The following TENT5C variants were observed in gnomAD, a reference collection of about 807,000 sequenced individuals.
TENT5C encodes the protein terminal nucleotidyltransferase 5C.
Under a neutral mutation model 22.2 loss-of-function variants are expected in TENT5C, and 5 were observed. That is an observed-to-expected ratio of 0.22 (90% CI 0.12 to 0.47). The LOEUF is 0.47. TENT5C is among the 20% of genes least tolerant of loss of function. TENT5C has a pLI of 0.99. For synonymous variants in TENT5C, 199 were observed against 195.4 expected, an observed-to-expected ratio of 1.02 and a Z score of -0.15; for missense variants, 364 against 500.9, an observed-to-expected ratio of 0.73 and a Z score of 2.61.
intron 1 of TENT5C, among the ~76,000 whole-genome samples, chr1:117,608,164 A>G (rs1379381694): frequency 6.6e-6 from 1 of 152,108 alleles, no homozygotes; most frequent in Non-Finnish European, 1.5e-5. Context: ...TTCAGTGAGC[A>G]CATAGAATTA....
Position 117,625,641 on chromosome 1 carries a change from A to G in TENT5C, c.*1597A>G. 4.0e-6 allele frequency: 1 copy of G among 248,138 alleles called. No homozygotes were observed. The highest frequency in any genetic ancestry group is 8.5e-6 in the Non-Finnish European group (1 of 118,126). The allele number at this position is 248,138 out of a possible 1,614,324, so 15.4% of individuals were successfully genotyped here. On this transcript the variant is annotated 3_prime_UTR_variant, in exon 2 of 2. Coordinates refer to ENST00000369448, the MANE Select transcript of TENT5C (RefSeq NM_017709.4). ...TTTTTCCCCCTTCCTTTGGCTATGA[A>G]AACCCAAAGCCCGGAGTGATTGTTT...
Position 117,625,563 on chromosome 1 carries a change from C to T in TENT5C, c.*1519C>T. The T allele has an allele frequency of 4.0e-6, 1 of 248,014 alleles. No individual in the cohort carries two copies. The highest frequency in any genetic ancestry group is 1.8e-4 in the South Asian group (1 of 5,514). The allele number at this position is 248,014 out of a possible 1,614,324, so 15.4% of individuals were successfully genotyped here. ...TTCAGGGCAGAGACACTCAATATTG[C>T]CAGCCAGCTTGGGTTCTAAAGTGAT... On this transcript the variant is annotated 3_prime_UTR_variant, in exon 2 of 2. Coordinates refer to ENST00000369448, the MANE Select transcript of TENT5C (RefSeq NM_017709.4).
rs1270936095 is a variant in TENT5C at position 117,626,478 on chromosome 1, G to C, written c.*2434G>C. On this transcript the variant is annotated 3_prime_UTR_variant, in exon 2 of 2. Coordinates refer to ENST00000369448, the MANE Select transcript of TENT5C (RefSeq NM_017709.4). Reference sequence around the variant, plus strand: ...AATAGACCTATTCAAGAGCTATCAGGGTTAAAAGCTGCACTGACCAAAGCT... The same window carrying C: ...AATAGACCTATTCAAGAGCTATCAGCGTTAAAAGCTGCACTGACCAAAGCT... 1 of 247,772 alleles carries C rather than the reference G, an allele frequency of 4.0e-6. No individual in the cohort carries two copies. The highest frequency in any genetic ancestry group is 2.2e-5 in the African/African-American group (1 of 45,304). 15.3% of individuals were successfully genotyped at this position (247,772 alleles called of 1,614,324 possible). A position where few individuals can be genotyped will look rare whatever the true frequency, so the allele number is the denominator to read the frequency against.
intron 1 of TENT5C, among the ~76,000 whole-genome samples, chr1:117,618,039 T>C (rs1296319567): frequency 6.6e-6 from 1 of 152,244 alleles, no homozygotes; most frequent in African/African-American, 2.4e-5. Context: ...AACTCCTCTC[T>C]ATGTAAATCA....
At chr1:117,616,981 G>A (rs944823409) in intron 1 of TENT5C, among the ~76,000 whole-genome samples, 1 of 152,174 alleles carries the variant, frequency 6.6e-6, no homozygotes, top group Non-Finnish European at 1.5e-5. Context: ...CCTTGTGGAC[G>A]GTTTCTGTGT....
At chr1:117,608,763 C>CTTTTTTTTT (rs5777320) in intron 1 of TENT5C, among the ~76,000 whole-genome samples, 1 of 138,782 alleles carries the variant, frequency 7.2e-6, no homozygotes, top group Non-Finnish European at 1.6e-5. Context: ...TGAGTTGAAC[C>CTTTTTTTTT]TTTTTTTTTT....
chr1:117,610,133 T>C (rs748154616), intron 1 of TENT5C, among the ~76,000 whole-genome samples: 1 of 152,136 alleles, frequency 6.6e-6, no homozygotes, highest in Non-Finnish European at 1.5e-5. Flanking sequence ...TGTTTCCCAC[T>C]GTCATCACTG....
At position 117,624,081 on chromosome 1, in the gene TENT5C, A is replaced by G. The variant is rs763656322; in HGVS notation, c.*37A>G. On this transcript the variant is annotated 3_prime_UTR_variant, in exon 2 of 2. Transcript: ENST00000369448. ...GAGGGTTTCCACAGTGGGAACCCCA[A>G]TAGGGCTAGGGCTCTCAGGTAGGGG... is the stretch of plus-strand genomic sequence containing the variant. 31 of 1,556,084 alleles carry G rather than the reference A, an allele frequency of 2.0e-5. No homozygotes were observed. The highest frequency in any genetic ancestry group is 1.7e-4 in the Middle Eastern group (1 of 5,894).
In TENT5C at chr1:117,624,126, G is replaced by A. The variant is rs1338059616; in HGVS notation, c.*82G>A. 7 of 1,225,346 alleles carry A rather than the reference G, an allele frequency of 5.7e-6. No homozygotes were observed. The highest frequency in any genetic ancestry group is 2.8e-5 in the Admixed American group (1 of 35,702). The allele number at this position is 1,225,346 out of a possible 1,614,324, so 75.9% of individuals were successfully genotyped here. ...TAGGGGAGCCTCCTTCTAGATGTAG[G>A]CATTTGGCTTTTAAAGGGGAACTCA... On this transcript the variant is annotated 3_prime_UTR_variant, in exon 2 of 2. Transcript: ENST00000369448.
intron 1 of TENT5C, among the ~76,000 whole-genome samples, chr1:117,608,319 T>C (rs1653589184): frequency 6.6e-6 from 1 of 152,186 alleles, no homozygotes. Context: ...TGGCTATCTC[T>C]ACCTGGTTTC....
At chr1:117,613,617 C>T (rs1653716587) in intron 1 of TENT5C, among the ~76,000 whole-genome samples, 1 of 152,216 alleles carries the variant, frequency 6.6e-6, no homozygotes, top group Admixed American at 6.5e-5. Context: ...CAGCGGAGAT[C>T]ACAGCCTGGT....
chr1:117,627,331 C>G lies in TENT5C; in HGVS notation c.*3287C>G. ...CTTCAGCTTCACCTCTGCACTAACC[C>G]CTTACCCTTATGGTACGTCAGGATT... On this transcript the variant is annotated 3_prime_UTR_variant, in exon 2 of 2. Coordinates refer to ENST00000369448, the MANE Select transcript of TENT5C (RefSeq NM_017709.4). The G allele has an allele frequency of 4.0e-6, 1 of 248,158 alleles. No individual in the cohort carries two copies. Among genetic ancestry groups the G allele is most frequent in the East Asian group, 6.0e-5 (1 of 16,598 alleles). The allele number at this position is 248,158 out of a possible 1,614,324, so 15.4% of individuals were successfully genotyped here. A position where few individuals can be genotyped will look rare whatever the true frequency, so the allele number is the denominator to read the frequency against.
At chr1:117,607,534 A>G (rs2101071021) in intron 1 of TENT5C, among the ~76,000 whole-genome samples, 1 of 152,286 alleles carries the variant, frequency 6.6e-6, no homozygotes, top group East Asian at 1.9e-4. Context: ...CCAGGAAATA[A>G]AGTTAGGGTG....
chr1:117,622,857 C>A lies in TENT5C; in HGVS notation c.-12C>A. 1.2e-6 allele frequency: 2 copies of A among 1,601,168 alleles called. No homozygotes were observed. Among genetic ancestry groups the A allele is most frequent in the Non-Finnish European group, 8.6e-7 (1 of 1,169,488 alleles). ...TCACTTTCAGTTTCCCCAGCCAGAA[C>A]ATCCCCTGAAGATGGCAGAGGAGAG... On this transcript the variant is annotated 5_prime_UTR_variant, in exon 2 of 2. Coordinates refer to ENST00000369448, the MANE Select transcript of TENT5C (RefSeq NM_017709.4).
chr1:117,607,597 A>G (rs1570853880), intron 1 of TENT5C, among the ~76,000 whole-genome samples: 1 of 152,180 alleles, frequency 6.6e-6, no homozygotes. Flanking sequence ...CTCTGCGTGC[A>G]GGAAAGAGGG....
At position 117,625,985 on chromosome 1, in the gene TENT5C, T is replaced by C. The variant is rs1264767219; in HGVS notation, c.*1941T>C. On this transcript the variant is annotated 3_prime_UTR_variant, in exon 2 of 2. Transcript: ENST00000369448. ...ACCCAGTGTGCTTCAGTGTTAAGAG[T>C]GGGGCAATGAAGAGTGAACCCCAAT... is the stretch of plus-strand genomic sequence containing the variant. 44 of 246,928 alleles carry C rather than the reference T, an allele frequency of 1.8e-4. No individual in the cohort carries two copies. The East Asian group carries it at 2.5e-3, about 14-fold the overall frequency. The allele number at this position is 246,928 out of a possible 1,614,324, so 15.3% of individuals were successfully genotyped here.
chr1:117,622,277 C>A (rs1287796672), intron 1 of TENT5C, among the ~76,000 whole-genome samples: 1 of 151,356 alleles, frequency 6.6e-6, no homozygotes, highest in Non-Finnish European at 1.5e-5. Flanking sequence ...GATTGTAGCC[C>A]AAAGTTGAGA....
chr1:117,621,002 A>G (rs1653881796), intron 1 of TENT5C, among the ~76,000 whole-genome samples: 1 of 152,166 alleles, frequency 6.6e-6, no homozygotes, highest in African/African-American at 2.4e-5. Flanking sequence ...AGGGCATGGC[A>G]AAAAGAGAAC....
rs766046722 is a variant in TENT5C at position 117,623,283 on chromosome 1, G to A, written c.415G>A (p.Val139Met). The change falls in exon 2 of 2, where the codon GTG becomes ATG. Residue 139 changes from valine (V) to methionine (M), a missense_variant. This residue lies in a region of TENT5C where 303 missense variants were observed against 394.5 expected (regional missense o/e 0.77). Coordinates refer to ENST00000369448, the MANE Select transcript of TENT5C (RefSeq NM_017709.4). ...TCCAGTCACTCTGAAGGAGGCATAT[G>A]TGCAGAAGCTAGTGAAGGTTTGCAC... ...ISPVTLKEAY[V>M]QKLVKVCTDT... 1 of 1,614,216 alleles carries A rather than the reference G, an allele frequency of 6.2e-7. No individual in the cohort carries two copies. Among genetic ancestry groups the A allele is most frequent in the Non-Finnish European group, 8.5e-7 (1 of 1,180,048 alleles).
Sources: allele counts gnomAD v4.1 joint callset (sites outside exome capture counted in the v4.1 genomes callset), GRCh38; gene constraint gnomAD v4.1.1; regional missense constraint gnomAD v4.1.1; transcripts MANE v1.5; gene names NCBI Gene and HGNC (gene_info 2026-07-23, HGNC 2026-07-21).